CSMD1: variants seen among roughly 807,000 people sequenced by gnomAD.
The protein encoded by CSMD1 is CUB and Sushi multiple domains 1, also known as CUB and sushi domain-containing protein 1.
Under a neutral mutation model 417.5 loss-of-function variants are expected in CSMD1, and 213 were observed. That is an observed-to-expected ratio of 0.51 (90% CI 0.46 to 0.57). CSMD1 has a LOEUF of 0.57. Among genes scored for constraint, CSMD1 ranks in the 20% least tolerant of loss-of-function variants. CSMD1 has a pLI of 0.00. For synonymous variants in CSMD1, 2,862 were observed against 1,736.8 expected (o/e 1.65, Z -16.11); for missense variants, 6,923 against 4,529.7 (o/e 1.53, Z -15.17).
chr8:3,902,345 T>C (rs1807811511), intron 5 of CSMD1, among the ~76,000 whole-genome samples: 1 of 152,204 alleles, frequency 6.6e-6, no homozygotes, highest in African/African-American at 2.4e-5. Context: ...GTTTCAAATC[T>C]TGGCTTTTCT....
At chr8:4,249,272 T>C (rs959546106) in intron 3 of CSMD1, among the ~76,000 whole-genome samples, 22 of 152,346 alleles carry the variant, frequency 1.4e-4, no homozygotes, top group Middle Eastern at 3.4e-3. Flanking sequence ...TCTTGTCTTT[T>C]ACTTCTAAAG....
chr8:4,284,750 G>T (rs1377707838), intron 3 of CSMD1, among the ~76,000 whole-genome samples: 1 of 152,032 alleles, frequency 6.6e-6, no homozygotes, highest in Non-Finnish European at 1.5e-5. Context: ...TCAGATGATA[G>T]CCTTCTTCTA....
At chr8:4,132,102 T>C (rs555282935) in intron 3 of CSMD1, among the ~76,000 whole-genome samples, 61 of 152,160 alleles carry the variant, frequency 4.0e-4, no homozygotes, top group Non-Finnish European at 7.9e-4. Flanking sequence ...GAATCACATA[T>C]GGATCCCCAA....
chr8:3,498,198 G>C (rs180680213), intron 10 of CSMD1, among the ~76,000 whole-genome samples: 1 of 152,088 alleles, frequency 6.6e-6, no homozygotes, highest in Admixed American at 6.5e-5. Flanking sequence ...GCTTATATTT[G>C]ACTTGACTGT....
chr8:4,481,397 G>C (rs535133556), intron 2 of CSMD1, among the ~76,000 whole-genome samples: 2 of 152,296 alleles, frequency 1.3e-5, no homozygotes, highest in African/African-American at 2.4e-5. Context: ...TCAATGCTAA[G>C]GAGACCTTGG....
At chr8:4,951,591 A>C (rs1289456492) in intron 1 of CSMD1, among the ~76,000 whole-genome samples, 1 of 80,340 alleles carries the variant, frequency 1.2e-5, no homozygotes, top group Non-Finnish European at 3.2e-5. Flanking sequence ...GCAAAAAAAA[A>C]AGAAAAACCT....
chr8:4,469,052 T>G (rs1800362719), intron 2 of CSMD1, among the ~76,000 whole-genome samples: 1 of 152,192 alleles, frequency 6.6e-6, no homozygotes, highest in Non-Finnish European at 1.5e-5. Context: ...AAATGAAATT[T>G]TAATAACAAG....
In CSMD1 at chr8:4,438,680, A is replaced by G. The variant is rs112226496; in HGVS notation, c.303-18615T>C. Reference sequence around the variant, plus strand: ...GGAATTCCTGCAGGTAGAGCCACTTATGCAAACTCTTGCGGCCTTCATACT... The same window carrying G: ...GGAATTCCTGCAGGTAGAGCCACTTGTGCAAACTCTTGCGGCCTTCATACT... On this transcript the variant is annotated intron_variant, in intron 2 of 69. Transcript: ENST00000635120. Among the ~76,000 whole-genome samples, 1,073 of 152,338 alleles carry G rather than the reference A, an allele frequency of 7.0e-3. 11 individuals carry two copies. The highest frequency in any genetic ancestry group is 0.024 in the African/African-American group (998 of 41,576).
chr8:3,827,560 G>C (rs538015530), intron 5 of CSMD1, among the ~76,000 whole-genome samples: 2 of 152,260 alleles, frequency 1.3e-5, no homozygotes, highest in South Asian at 2.1e-4. Flanking sequence ...TTTTCTGCTA[G>C]ATCAAAGCCC....
intron 12 of CSMD1, among the ~76,000 whole-genome samples, chr8:3,430,486 C>T (rs1462756796): frequency 6.6e-6 from 1 of 151,972 alleles, no homozygotes; most frequent in Admixed American, 6.6e-5. Context: ...GTTATGAAGT[C>T]CCTTTATTTC....
At chr8:3,849,602 G>T (rs903444030) in intron 5 of CSMD1, among the ~76,000 whole-genome samples, 1 of 152,142 alleles carries the variant, frequency 6.6e-6, no homozygotes, top group African/African-American at 2.4e-5. Flanking sequence ...AAAGAACAGT[G>T]ATTCCTGGGC....
At position 4,835,823 on chromosome 8, in the gene CSMD1, G is replaced by A. The variant is rs78383935; in HGVS notation, c.85+158509C>T. Among the ~76,000 whole-genome samples the A allele has an allele frequency of 5.3e-5, 8 of 151,536 alleles. No individual in the cohort carries two copies. In the East Asian group the frequency reaches 1.6e-3, roughly 29 times the overall value. On this transcript the variant is annotated intron_variant, in intron 1 of 69. Coordinates refer to ENST00000635120, the MANE Select transcript of CSMD1 (RefSeq NM_033225.6). The stretch of plus-strand genomic sequence containing the variant: ...TATATCTCATCAAGTATCCAGACAT[G>A]GAATTACTTGTACATCAAGCCAACT...
chr8:3,897,882 C>G (rs559022743), intron 5 of CSMD1, among the ~76,000 whole-genome samples: 19 of 152,216 alleles, frequency 1.2e-4, no homozygotes, highest in Non-Finnish European at 2.8e-4. Flanking sequence ...GGAATCTTGG[C>G]CACAGAACAA....
chr8:4,363,631 G>A (rs1318769016), intron 3 of CSMD1, among the ~76,000 whole-genome samples: 4 of 152,312 alleles, frequency 2.6e-5, no homozygotes, highest in Admixed American at 6.5e-5. Flanking sequence ...GGGAAGGACG[G>A]TGCCAGGACA....
intron 6 of CSMD1, among the ~76,000 whole-genome samples, chr8:3,716,329 T>C (rs114092960): frequency 3.3e-5 from 5 of 151,978 alleles, no homozygotes; most frequent in African/African-American, 4.8e-5. Flanking sequence ...ATTGAGAAAA[T>C]AGAGGAATAA....
intron 18 of CSMD1, among the ~76,000 whole-genome samples, chr8:3,377,149 T>C (rs1324145986): frequency 2.0e-5 from 3 of 152,170 alleles, no homozygotes; most frequent in South Asian, 2.1e-4. Flanking sequence ...GCTGGGACTA[T>C]AGGCACATGC....
intron 5 of CSMD1, among the ~76,000 whole-genome samples, chr8:3,754,777 A>G (rs908410888): frequency 2.0e-5 from 3 of 152,136 alleles, no homozygotes; most frequent in Non-Finnish European, 2.9e-5. Context: ...AATTCTATGT[A>G]ACCTGAAGTA....
intron 2 of CSMD1, among the ~76,000 whole-genome samples, chr8:4,635,834 G>T (rs1285284519): frequency 6.6e-6 from 1 of 151,910 alleles, no homozygotes. Flanking sequence ...GACCATAAAT[G>T]TAATAAAAGG....
At chr8:4,141,061 T>G (rs35705554) in intron 3 of CSMD1, among the ~76,000 whole-genome samples, 1 of 151,100 alleles carries the variant, frequency 6.6e-6, no homozygotes, top group South Asian at 2.1e-4. Context: ...TAACAAATTA[T>G]AAAATATCCC....
Sources: allele counts gnomAD v4.1 joint callset (sites outside exome capture counted in the v4.1 genomes callset), GRCh38; gene constraint gnomAD v4.1.1; transcripts MANE v1.5; gene names NCBI Gene and HGNC (gene_info 2026-07-23, HGNC 2026-07-21).